Variants in CLYBL observed in about 807,000 individuals in gnomAD.
CLYBL encodes the protein citramalyl-CoA lyase, mitochondrial.
In CLYBL, 31 loss-of-function variants were observed where a neutral mutation model predicts 38.9. The ratio of observed to expected loss-of-function variants is 0.80; its 90% CI spans 0.60 to 1.08. The LOEUF is 1.08. CLYBL is among the 50% of genes least tolerant of loss of function. CLYBL has a pLI of 0.00. For missense variants in CLYBL, 434 were observed against 411.6 expected, an observed-to-expected ratio of 1.05 and a Z score of -0.47; for synonymous variants, 171 against 158.6, an observed-to-expected ratio of 1.08 and a Z score of -0.59.
chr13:99,727,528 C>T (rs1486174851), intron 1 of CLYBL: 2 of 151,598 alleles, frequency 1.3e-5, no homozygotes, highest in African/African-American at 4.9e-5. Flanking sequence ...TAAACACAAA[C>T]ACATTTCACT....
intron 2 of CLYBL, among the ~76,000 whole-genome samples, chr13:99,794,792 A>G (rs1192048075): frequency 6.6e-6 from 1 of 151,860 alleles, no homozygotes; most frequent in African/African-American, 2.4e-5. Flanking sequence ...GGATTTCACC[A>G]TGTTGGCCAG....
chr13:99,893,991 T>C (rs1341691599), downstream of CLYBL: 1 of 152,212 alleles, frequency 6.6e-6, no homozygotes, highest in African/African-American at 2.4e-5. Context: ...TGGTCCCTAT[T>C]AGGGTAGGAT....
At chr13:99,791,820 A>C (rs1203899927) in intron 2 of CLYBL, among the ~76,000 whole-genome samples, 13 of 152,216 alleles carry the variant, frequency 8.5e-5, no homozygotes, top group Non-Finnish European at 1.5e-5. Context: ...ATTGCTTTAG[A>C]ATGCCAAGAC....
At chr13:99,623,958 C>CAA (rs754256330) in intron 1 of CLYBL, among the ~76,000 whole-genome samples, 666 of 64,100 alleles carry the variant, frequency 0.01, 13 homozygotes, top group African/African-American at 0.034. Context: ...GACTCCATCT[C>CAA]AAAAAAAAAA....
downstream of CLYBL, among the ~76,000 whole-genome samples, chr13:99,897,588 CTG>C (rs1449701462): frequency 1.3e-5 from 2 of 152,316 alleles, no homozygotes; most frequent in South Asian, 2.1e-4. Context: ...AATCCCAAAA[CTG>C]TGTGAGACTC....
chr13:99,651,329 T>A (rs768950563), intron 1 of CLYBL, among the ~76,000 whole-genome samples: 1 of 152,184 alleles, frequency 6.6e-6, no homozygotes, highest in African/African-American at 2.4e-5. Context: ...ATCCCAGCAC[T>A]TGGGGAAGCC....
At chr13:99,760,742 T>G (rs1270707509) in intron 1 of CLYBL, among the ~76,000 whole-genome samples, 1 of 152,190 alleles carries the variant, frequency 6.6e-6, no homozygotes, top group South Asian at 2.1e-4. Context: ...CCTTTTTTAT[T>G]GATAAGAGAT....
chr13:99,820,244 T>C (rs1422440404), intron 2 of CLYBL, among the ~76,000 whole-genome samples: 2 of 152,182 alleles, frequency 1.3e-5, no homozygotes, highest in South Asian at 2.1e-4. Flanking sequence ...AGGTGAACAT[T>C]GCACACGGTC....
intron 7 of CLYBL, among the ~76,000 whole-genome samples, chr13:99,873,100 T>G (rs1429229483): frequency 6.6e-6 from 1 of 152,232 alleles, no homozygotes; most frequent in East Asian, 1.9e-4. Flanking sequence ...TGTGGAGGTT[T>G]GTTTCCTATA....
At chr13:99,661,584 G>A (rs1452133888) in intron 1 of CLYBL, among the ~76,000 whole-genome samples, 1 of 152,138 alleles carries the variant, frequency 6.6e-6, no homozygotes, top group Non-Finnish European at 1.5e-5. Flanking sequence ...AAAACCCATA[G>A]GTTGAAGATG....
intron 1 of CLYBL, among the ~76,000 whole-genome samples, chr13:99,624,764 G>A (rs921405230): frequency 2.6e-5 from 4 of 152,068 alleles, no homozygotes; most frequent in African/African-American, 7.2e-5. Flanking sequence ...CCTACATTCT[G>A]TTTATTTCAG....
At chr13:99,646,911 G>A (rs2139288930) in intron 1 of CLYBL, among the ~76,000 whole-genome samples, 1 of 152,238 alleles carries the variant, frequency 6.6e-6, no homozygotes, top group Non-Finnish European at 1.5e-5. Flanking sequence ...CTACTTCTCA[G>A]TACCTTCTGT....
intron 7 of CLYBL, among the ~76,000 whole-genome samples, chr13:99,873,018 T>G (rs953561664): frequency 2.0e-5 from 3 of 152,130 alleles, no homozygotes; most frequent in African/African-American, 7.2e-5. Context: ...GGATGGCTTT[T>G]CTTAACACAG....
At chr13:99,631,681 C>G (rs1322619098) in intron 1 of CLYBL, among the ~76,000 whole-genome samples, 1 of 152,000 alleles carries the variant, frequency 6.6e-6, no homozygotes, top group Non-Finnish European at 1.5e-5. Context: ...TCACTGCAAC[C>G]TCCACCTCCC....
At chr13:99,788,200 C>T (rs2049839575) in intron 2 of CLYBL, among the ~76,000 whole-genome samples, 2 of 152,148 alleles carry the variant, frequency 1.3e-5, no homozygotes. Flanking sequence ...TTTCTTTCTC[C>T]TGCCTGATTG....
At chr13:99,702,907 A>G (rs1417339251) in intron 1 of CLYBL, among the ~76,000 whole-genome samples, 1 of 152,356 alleles carries the variant, frequency 6.6e-6, no homozygotes, top group Non-Finnish European at 1.5e-5. Context: ...CTGGAGGTGA[A>G]GGAGAGACAA....
At chr13:99,636,602 C>T (rs1321477790) in intron 1 of CLYBL, among the ~76,000 whole-genome samples, 5 of 152,210 alleles carry the variant, frequency 3.3e-5, no homozygotes, top group African/African-American at 7.2e-5. Context: ...TCAGCCACTA[C>T]ATTCCTGGCC....
chr13:99,716,402 T>C (rs2048315694), intron 1 of CLYBL, among the ~76,000 whole-genome samples: 1 of 150,092 alleles, frequency 6.7e-6, no homozygotes, highest in Non-Finnish European at 1.5e-5. Context: ...TTTCTTTTTT[T>C]TTTTTTTAAT....
At chr13:99,609,181 T>G (rs1338279003) in intron 1 of CLYBL, among the ~76,000 whole-genome samples, 5 of 129,728 alleles carry the variant, frequency 3.9e-5, no homozygotes, top group Non-Finnish European at 3.3e-5. Flanking sequence ...TTTTTTTTTT[T>G]TTTTTTTTTT....
Sources: gnomAD v4.1 joint callset for allele counts (sites outside exome capture counted in the v4.1 genomes callset) on GRCh38, gnomAD v4.1.1 for gene constraint, MANE v1.5 for transcripts, NCBI Gene and HGNC (gene_info 2026-07-23, HGNC 2026-07-21) for gene names.